The following EIF4H variants were observed in gnomAD, a reference collection of about 807,000 sequenced individuals.
EIF4H encodes the protein eukaryotic translation initiation factor 4H, also known as Williams-Beuren syndrome chromosome region 1.
In EIF4H, 8 loss-of-function variants were observed where a neutral mutation model predicts 30.6. The ratio of observed to expected loss-of-function variants is 0.26; its 90% CI spans 0.15 to 0.47. The LOEUF (loss-of-function observed/expected upper bound fraction) is 0.47, where lower values mean the gene tolerates loss of function less well. Ranked by LOEUF, EIF4H falls within the 20% of genes least tolerant of loss-of-function variation. The probability of loss-of-function intolerance (pLI) is 0.99; values close to 1 mark genes in which losing one functional copy is unlikely to be tolerated. For synonymous variants in EIF4H, 106 were observed against 122.7 expected, an observed-to-expected ratio of 0.86 and a Z score of 0.90; for missense variants, 188 against 339.5, an observed-to-expected ratio of 0.55 and a Z score of 3.51.
chr7:74,192,127 G>A (rs144437111), intron 5 of EIF4H, among the ~76,000 whole-genome samples: 6 of 152,266 alleles, frequency 3.9e-5, no homozygotes, highest in East Asian at 3.9e-4. Context: ...CTTCACCAGC[G>A]TGGTGTGAGC....
At position 74,187,642 on chromosome 7, in the gene EIF4H, C is replaced by T. The variant is rs782259889; in HGVS notation, c.91C>T (p.Arg31Cys). ...CGGCAGTGCTGGTGGCCATGGTTCC[C>T]GTAGCCAGAAGGAGTTGCCCACAGA... ...SRGSAGGHGSRSQKELPTEPP... is the reference protein window; with the variant it reads ...SRGSAGGHGSCSQKELPTEPP... The change falls in exon 2 of 7, where the codon CGT (arginine) becomes TGT (cysteine). Residue 31 changes from arginine to cysteine, a missense_variant. By Grantham distance (180) the Arg-to-Cys change is radical. Transcript: ENST00000265753. 3.7e-6 allele frequency: 6 copies of T among 1,609,492 alleles called. No individual in the cohort carries two copies. Among genetic ancestry groups the T allele is most frequent in the South Asian group, 2.2e-5 (2 of 90,624 alleles).
chr7:74,179,617 G>T (rs998263728), intron 1 of EIF4H, among the ~76,000 whole-genome samples: 17 of 133,840 alleles, frequency 1.3e-4, no homozygotes, highest in African/African-American at 4.6e-4. Flanking sequence ...GGGCGACAGG[G>T]TGAGACTCTG....
chr7:74,186,316 C>T lies in EIF4H; in HGVS notation c.60-1295C>T, dbSNP rs547652747. ...ACAACCTCCACCTCCTGGGTTCAAG[C>T]GATTCTCCTGCCTCAGCCTGCCCAG... is the stretch of plus-strand genomic sequence containing the variant. On this transcript the variant is annotated intron_variant, in intron 1 of 6. Transcript: ENST00000265753. 7.9e-5 allele frequency among the ~76,000 whole-genome samples: 12 copies of T among 151,374 alleles called. No homozygotes were observed. In the South Asian group the frequency reaches 1.3e-3, roughly 16 times the overall value.
intron 1 of EIF4H, 59 bp from the exon 2 acceptor site, chr7:74,187,552 T>C (rs1171070434): frequency 5.6e-6 from 8 of 1,437,526 alleles, no homozygotes; most frequent in Middle Eastern, 1.9e-4. Flanking sequence ...AAGACCGCTT[T>C]ACTTGTTTTG....
chr7:74,193,021 T>C (rs1801260160), intron 5 of EIF4H, among the ~76,000 whole-genome samples: 2 of 152,152 alleles, frequency 1.3e-5, no homozygotes, highest in South Asian at 4.1e-4. Flanking sequence ...ATGTTAGTGT[T>C]GATTCATTTA....
At chr7:74,176,580 T>C (rs1554707712) in intron 1 of EIF4H, among the ~76,000 whole-genome samples, 1 of 152,218 alleles carries the variant, frequency 6.6e-6, no homozygotes. Flanking sequence ...ACCTCTGAAT[T>C]ACTTGGGTCA....
intron 1 of EIF4H, among the ~76,000 whole-genome samples, chr7:74,177,414 G>A (rs1002695053): frequency 6.6e-6 from 1 of 152,090 alleles, no homozygotes; most frequent in African/African-American, 2.4e-5. Context: ...GAGTGTATTC[G>A]TAATGTATAA....
rs1314686415 is a variant in EIF4H, at chr7:74,196,364, T to C, written c.*1056T>C. 1 of 152,690 alleles carries C rather than the reference T, an allele frequency of 6.5e-6. No homozygotes were observed. Among genetic ancestry groups the C allele is most frequent in the Admixed American group, 6.5e-5 (1 of 15,280 alleles). 9.5% of individuals were successfully genotyped at this position (152,690 alleles called of 1,614,324 possible). A position where few individuals can be genotyped will look rare whatever the true frequency, so the allele number is the denominator to read the frequency against. On this transcript the variant is annotated 3_prime_UTR_variant, in exon 7 of 7. Coordinates refer to ENST00000265753, the MANE Select transcript of EIF4H (RefSeq NM_022170.2). ...AAAATGGGTCTAGAATCTGGCACTTTACTCATTTCCTTTGATAAATTGTAC... is the reference window on the plus strand; with the variant it reads ...AAAATGGGTCTAGAATCTGGCACTTCACTCATTTCCTTTGATAAATTGTAC...
chr7:74,182,098 C>T (rs782581279), intron 1 of EIF4H, among the ~76,000 whole-genome samples: 2 of 152,134 alleles, frequency 1.3e-5, no homozygotes, highest in Admixed American at 6.5e-5. Flanking sequence ...TTCCAGTACC[C>T]AGTGTTCAGT....
At chr7:74,194,698 A>G in intron 5 of EIF4H, 43 bp from the exon 6 acceptor site, 2 of 1,526,752 alleles carry the variant, frequency 1.3e-6, no homozygotes, top group Non-Finnish European at 1.8e-6. Flanking sequence ...CAGCTTGGAG[A>G]CGATAGTTTG....
intron 6 of EIF4H, 59 bp from the exon 7 acceptor site, chr7:74,195,110 G>A (rs1210840050): frequency 6.2e-5 from 99 of 1,591,542 alleles, no homozygotes; most frequent in Non-Finnish European, 6.9e-5. Context: ...CAGCATGGTC[G>A]TTTTGCTGGA....
chr7:74,188,082 G>C (rs1278985009), intron 2 of EIF4H, among the ~76,000 whole-genome samples: 7 of 152,202 alleles, frequency 4.6e-5, no homozygotes, highest in African/African-American at 1.7e-4. Flanking sequence ...CAGTAAAGGA[G>C]TTCCCCAGGA....
At position 74,174,357 on chromosome 7, in the gene EIF4H, T is replaced by A; in HGVS notation, c.-27T>A. On this transcript the variant is annotated 5_prime_UTR_variant, in exon 1 of 7. Coordinates refer to ENST00000265753, the MANE Select transcript of EIF4H (RefSeq NM_022170.2). ...TTGCGGGGTCCTTCCTCGCTCACCC[T>A]GGTTCCTCTCGGAGCGGAGACGGCA... The A allele has an allele frequency of 7.0e-7, 1 of 1,436,534 alleles. No homozygotes were observed. The highest frequency in any genetic ancestry group is 9.3e-7 in the Non-Finnish European group (1 of 1,080,362). 89.0% of individuals were successfully genotyped at this position (1,436,534 alleles called of 1,614,324 possible).
In EIF4H at chr7:74,189,669, C is replaced by G. The variant is rs1554709602; in HGVS notation, c.248-4C>G. On this transcript the variant is annotated splice_polypyrimidine_tract_variant and splice_region_variant and intron_variant, in intron 2 of 6. Coordinates refer to ENST00000265753, the MANE Select transcript of EIF4H (RefSeq NM_022170.2). ...GGAAATCGGGGTCTTCTTTTCTTTTCCAGGATTCTGCTATGTAGAATTCGA... is the reference window on the plus strand; with the variant it reads ...GGAAATCGGGGTCTTCTTTTCTTTTGCAGGATTCTGCTATGTAGAATTCGA... The G allele has an allele frequency of 1.9e-6, 3 of 1,613,074 alleles. No homozygotes were observed. Among genetic ancestry groups the G allele is most frequent in the Admixed American group, 1.7e-5 (1 of 59,922 alleles).
chr7:74,174,653 C>T (rs1314109819), intron 1 of EIF4H, among the ~76,000 whole-genome samples: 1 of 151,110 alleles, frequency 6.6e-6, no homozygotes, highest in East Asian at 2.0e-4. Flanking sequence ...GCTTGCGGGG[C>T]GGATCCCTTC....
intron 1 of EIF4H, 38 bp from the exon 2 acceptor site, chr7:74,187,573 T>G (rs781910061): frequency 6.7e-7 from 1 of 1,501,724 alleles, no homozygotes; most frequent in Admixed American, 2.1e-5. Flanking sequence ...CTTATTCCAC[T>G]CTGGGCACAC....
chr7:74,175,878 C>T (rs1261141954), intron 1 of EIF4H, among the ~76,000 whole-genome samples: 9 of 152,228 alleles, frequency 5.9e-5, no homozygotes, highest in South Asian at 2.1e-4. Context: ...AAATTTCCTT[C>T]AGACACATTT....
chr7:74,194,140 G>A (rs1210073694), intron 5 of EIF4H, among the ~76,000 whole-genome samples: 3 of 152,216 alleles, frequency 2.0e-5, no homozygotes, highest in Admixed American at 6.5e-5. Context: ...GTGAGGCGCT[G>A]TGCTCTCTGC....
At chr7:74,190,037 C>A in intron 4 of EIF4H, 119 bp downstream of exon 4, 1 of 1,272,398 alleles carries the variant, frequency 7.9e-7, no homozygotes, top group Non-Finnish European at 1.1e-6. Flanking sequence ...TTCTCGTGAG[C>A]TCTTAAAAGT....
Sources: allele counts gnomAD v4.1 joint callset (sites outside exome capture counted in the v4.1 genomes callset), GRCh38; gene constraint gnomAD v4.1.1; transcripts MANE v1.5; gene names NCBI Gene and HGNC (gene_info 2026-07-23, HGNC 2026-07-21).